Variants in KCNIP4 observed in about 807,000 individuals in gnomAD.
KCNIP4 encodes the protein potassium voltage-gated channel interacting protein 4, also known as Kv channel-interacting protein 4.
KCNIP4 carries 12 observed loss-of-function variants against 34.0 expected under a neutral mutation model. That is an observed-to-expected ratio of 0.35 (90% CI 0.23 to 0.57). The LOEUF (loss-of-function observed/expected upper bound fraction) is 0.57, where lower values mean the gene tolerates loss of function less well. Ranked by LOEUF, KCNIP4 falls within the 20% of genes least tolerant of loss-of-function variation. The pLI is 0.83. For missense variants in KCNIP4, 238 were observed against 311.7 expected (o/e 0.76, Z 1.78); for synonymous variants, 124 against 102.2 (o/e 1.21, Z -1.29).
intron 1 of KCNIP4, among the ~76,000 whole-genome samples, chr4:21,775,606 C>T (rs986728975): frequency 6.6e-6 from 1 of 152,196 alleles, no homozygotes; most frequent in African/African-American, 2.4e-5. Flanking sequence ...AGTCACCCTT[C>T]CCCCTAGGTG....
At chr4:21,611,304 G>A (rs1388500321) in intron 1 of KCNIP4, among the ~76,000 whole-genome samples, 1 of 152,126 alleles carries the variant, frequency 6.6e-6, no homozygotes, top group Non-Finnish European at 1.5e-5. Context: ...CTTTATATTA[G>A]ATGACAGCAG....
At chr4:21,341,458 G>T in intron 1 of KCNIP4, among the ~76,000 whole-genome samples, 1 of 152,048 alleles carries the variant, frequency 6.6e-6, no homozygotes, top group South Asian at 2.1e-4. Flanking sequence ...TAAAACACAT[G>T]CATTTTGATA....
At chr4:21,054,707 CAAAAAA>C in intron 1 of KCNIP4, among the ~76,000 whole-genome samples, 1 of 86,200 alleles carries the variant, frequency 1.2e-5, no homozygotes, top group Middle Eastern at 0.01. Context: ...TACTCACATG[CAAAAAA>C]AAAAAAAAAA....
In KCNIP4 at chr4:21,841,303, A is replaced by G. The variant is rs141798404; in HGVS notation, c.61+107268T>C. Among the ~76,000 whole-genome samples the G allele has an allele frequency of 3.9e-5, 6 of 152,250 alleles. No individual in the cohort carries two copies. The East Asian group carries it at 1.2e-3, about 29-fold the overall frequency. Reference sequence around the variant, plus strand: ...ACAGATCATTTAATCCAAACTCAGCAGCCCAAAAGGAATTCTTTCCATATT... The same window carrying G: ...ACAGATCATTTAATCCAAACTCAGCGGCCCAAAAGGAATTCTTTCCATATT... On this transcript the variant is annotated intron_variant, in intron 1 of 8. Transcript: ENST00000382152.
chr4:21,449,152 T>C (rs2109736967), intron 1 of KCNIP4, among the ~76,000 whole-genome samples: 1 of 152,322 alleles, frequency 6.6e-6, no homozygotes, highest in Non-Finnish European at 1.5e-5. Flanking sequence ...GGACATAACC[T>C]TGAGCCACAG....
chr4:21,461,818 T>C (rs912388818), intron 1 of KCNIP4, among the ~76,000 whole-genome samples: 4 of 151,924 alleles, frequency 2.6e-5, no homozygotes, highest in Non-Finnish European at 5.9e-5. Flanking sequence ...CCCAGATTCC[T>C]CTCCATAAAC....
At chr4:21,749,468 C>T (rs1717002054) in intron 1 of KCNIP4, among the ~76,000 whole-genome samples, 1 of 152,150 alleles carries the variant, frequency 6.6e-6, no homozygotes, top group African/African-American at 2.4e-5. Context: ...AGTGCCAATT[C>T]CTCACTGCTT....
intron 1 of KCNIP4, among the ~76,000 whole-genome samples, chr4:21,896,227 C>T (rs941560587): frequency 2.0e-5 from 3 of 152,132 alleles, no homozygotes; most frequent in Admixed American, 6.6e-5. Flanking sequence ...ATACAGTCAC[C>T]ACTCTCTTAG....
chr4:21,628,477 C>T (rs1314320960), intron 1 of KCNIP4, among the ~76,000 whole-genome samples: 1 of 152,084 alleles, frequency 6.6e-6, no homozygotes, highest in Middle Eastern at 3.2e-3. Flanking sequence ...AAAAATGAGC[C>T]GTGATGATCC....
At chr4:21,459,671 A>G (rs1490657796) in intron 1 of KCNIP4, among the ~76,000 whole-genome samples, 2 of 152,024 alleles carry the variant, frequency 1.3e-5, no homozygotes, top group African/African-American at 2.4e-5. Flanking sequence ...ACTCCCAAAT[A>G]TGCTCCTTCT....
chr4:21,383,197 T>G (rs887232855), intron 1 of KCNIP4, among the ~76,000 whole-genome samples: 3 of 152,206 alleles, frequency 2.0e-5, no homozygotes, highest in Non-Finnish European at 2.9e-5. Context: ...ACCTTGATCT[T>G]GGACATGCAG....
At chr4:21,170,607 T>C (rs1470610620) in intron 1 of KCNIP4, among the ~76,000 whole-genome samples, 1 of 152,150 alleles carries the variant, frequency 6.6e-6, no homozygotes, top group Non-Finnish European at 1.5e-5. Context: ...ATAATAAATG[T>C]AGCATAGAAT....
At chr4:21,502,148 T>TATA (rs1733419599) in intron 1 of KCNIP4, among the ~76,000 whole-genome samples, 1 of 152,116 alleles carries the variant, frequency 6.6e-6, no homozygotes. Flanking sequence ...AGGAGAAATT[T>TATA]ACTTTATAAA....
intron 1 of KCNIP4, among the ~76,000 whole-genome samples, chr4:21,409,634 T>C (rs1724311238): frequency 2.0e-5 from 3 of 152,364 alleles, no homozygotes; most frequent in South Asian, 4.1e-4. Flanking sequence ...TTATGAAATA[T>C]TTTAATCTAA....
intron 1 of KCNIP4, among the ~76,000 whole-genome samples, chr4:21,108,064 T>C (rs1050090648): frequency 2.0e-5 from 3 of 151,302 alleles, no homozygotes; most frequent in African/African-American, 7.4e-5. Context: ...TCAGTGAATC[T>C]GACAATTATG....
At chr4:21,562,439 C>T (rs1739549082) in intron 1 of KCNIP4, among the ~76,000 whole-genome samples, 1 of 151,996 alleles carries the variant, frequency 6.6e-6, no homozygotes, top group African/African-American at 2.4e-5. Flanking sequence ...GGTCCCTTCA[C>T]CTCTTTCTGG....
At chr4:21,802,909 T>C (rs1297000934) in intron 1 of KCNIP4, among the ~76,000 whole-genome samples, 1 of 152,148 alleles carries the variant, frequency 6.6e-6, no homozygotes, top group African/African-American at 2.4e-5. Context: ...AAATTACTGA[T>C]CCTGGAATTT....
At chr4:21,794,820 A>G (rs917480769) in intron 1 of KCNIP4, among the ~76,000 whole-genome samples, 2 of 152,156 alleles carry the variant, frequency 1.3e-5, no homozygotes, top group African/African-American at 4.8e-5. Context: ...CGGAGGTTGC[A>G]GTGAGCTGAG....
intron 1 of KCNIP4, among the ~76,000 whole-genome samples, chr4:21,206,723 G>T (rs1473671053): frequency 6.6e-6 from 1 of 152,130 alleles, no homozygotes; most frequent in Non-Finnish European, 1.5e-5. Context: ...TATCTGATTT[G>T]CTCATCAGAA....
Sources: allele counts gnomAD v4.1 joint callset (sites outside exome capture counted in the v4.1 genomes callset), GRCh38; gene constraint gnomAD v4.1.1; transcripts MANE v1.5; gene names NCBI Gene and HGNC (gene_info 2026-07-23, HGNC 2026-07-21).